Variants in HECTD2 observed in about 807,000 individuals in gnomAD.
HECTD2 encodes the protein HECT domain E3 ubiquitin protein ligase 2.
Under a neutral mutation model 103.2 loss-of-function variants are expected in HECTD2, and 35 were observed. That is an observed-to-expected ratio of 0.34 (90% CI 0.26 to 0.45). The LOEUF is 0.45. Among genes scored for constraint, HECTD2 ranks in the 20% least tolerant of loss-of-function variants. HECTD2 has a pLI of 1.00. For missense variants in HECTD2, 596 were observed against 937.4 expected, an observed-to-expected ratio of 0.64 and a Z score of 4.76; for synonymous variants, 281 against 329.9, an observed-to-expected ratio of 0.85 and a Z score of 1.61.
chr10:91,465,104 C>T (rs954215587), intron 5 of HECTD2, among the ~76,000 whole-genome samples: 1 of 152,062 alleles, frequency 6.6e-6, no homozygotes, highest in Non-Finnish European at 1.5e-5. Flanking sequence ...TTTTTTTCCC[C>T]CCTCAGGGGT....
chr10:91,492,347 A>T lies in HECTD2; in HGVS notation c.1300-5A>T. ...TCTCCTCTACTGTATAATATCTTCA[A>T]ATAGCTAACCCGGAAAAGAGCCGAT... On this transcript the variant is annotated splice_region_variant and splice_polypyrimidine_tract_variant and intron_variant, in intron 12 of 20. Coordinates refer to ENST00000298068, the MANE Select transcript of HECTD2 (RefSeq NM_182765.6). The T allele has an allele frequency of 4.3e-6, 7 of 1,611,416 alleles. No homozygotes were observed. Among genetic ancestry groups the T allele is most frequent in the Non-Finnish European group, 5.9e-6 (7 of 1,177,790 alleles).
rs755406925 is a variant in HECTD2, at chr10:91,500,466, C to T, written c.1951-36C>T. 27 of 996,642 alleles carry T rather than the reference C, an allele frequency of 2.7e-5. No individual in the cohort carries two copies. The Admixed American group carries it at 4.6e-4, about 17-fold the overall frequency. 61.7% of individuals were successfully genotyped at this position (996,642 alleles called of 1,614,324 possible). ...TCCAGTTTCACTTAAAACCATCACT[C>T]TTTAATTATTGTTTTTGATAAATAA... On this transcript the variant is annotated intron_variant, in intron 18 of 20. Transcript: ENST00000298068.
chr10:91,475,897 A>G (rs1845882210), intron 5 of HECTD2, among the ~76,000 whole-genome samples: 1 of 152,178 alleles, frequency 6.6e-6, no homozygotes, highest in Non-Finnish European at 1.5e-5. Flanking sequence ...ACCCATGACA[A>G]CCATCCCATG....
chr10:91,438,199 A>G (rs1003817651), intron 2 of HECTD2, among the ~76,000 whole-genome samples: 1 of 152,018 alleles, frequency 6.6e-6, no homozygotes, highest in Non-Finnish European at 1.5e-5. Context: ...CGTCATCTAC[A>G]TTAAGTATTT....
chr10:91,491,986 C>CTAA (rs1393594354), intron 12 of HECTD2, among the ~76,000 whole-genome samples: 1 of 152,062 alleles, frequency 6.6e-6, no homozygotes, highest in Admixed American at 6.6e-5. Flanking sequence ...TTGGGATTAC[C>CTAA]AGCTCATGCT....
intron 2 of HECTD2, among the ~76,000 whole-genome samples, chr10:91,437,581 A>G (rs1844172969): frequency 6.7e-6 from 1 of 149,590 alleles, no homozygotes; most frequent in African/African-American, 2.5e-5. Context: ...CATAATGTAG[A>G]TCCAGAAAAA....
chr10:91,487,552 T>C lies in HECTD2; in HGVS notation c.1095-130T>C, dbSNP rs1846309416. ...AAAAGAAATTATACACATACAATCA[T>C]TTTGTATATGGTAAAACACAATCCA... is the stretch of plus-strand genomic sequence containing the variant. On this transcript the variant is annotated intron_variant, in intron 10 of 20. Transcript: ENST00000298068. This position sits in a 1 kb window ranked among gnomAD's most constrained non-coding sequence, Gnocchi z 4.1. The C allele has an allele frequency of 8.3e-6, 6 of 722,954 alleles. No individual in the cohort carries two copies. The East Asian group carries it at 1.6e-4, about 19-fold the overall frequency. 44.8% of individuals were successfully genotyped at this position (722,954 alleles called of 1,614,324 possible). A position where few individuals can be genotyped will look rare whatever the true frequency, so the allele number is the denominator to read the frequency against.
intron 2 of HECTD2, among the ~76,000 whole-genome samples, chr10:91,430,565 G>T (rs1843812227): frequency 6.6e-6 from 1 of 152,162 alleles, no homozygotes; most frequent in African/African-American, 2.4e-5. Flanking sequence ...GGGTGCTCCT[G>T]TGTTGGGTGC....
In HECTD2 at chr10:91,512,252, T is replaced by G; in HGVS notation, c.2211-12T>G. 1 of 1,606,496 alleles carries G rather than the reference T, an allele frequency of 6.2e-7. No individual in the cohort carries two copies. The highest frequency in any genetic ancestry group is 8.5e-7 in the Non-Finnish European group (1 of 1,177,344). On this transcript the variant is annotated splice_polypyrimidine_tract_variant and intron_variant, in intron 20 of 20. Transcript: ENST00000298068. ...TCAAGACTTAGTATTTTTTTTTAAT[T>G]TTTTTCCCTAGCTTACCTGTGGCCC...
intron 16 of HECTD2, 74 bp downstream of exon 16, chr10:91,498,256 C>G: frequency 3.0e-6 from 3 of 992,870 alleles, no homozygotes; most frequent in Non-Finnish European, 4.8e-6. Context: ...TTATTAAATA[C>G]CCACTGTTAG....
At chr10:91,427,000 C>A (rs1429147433) in intron 2 of HECTD2, among the ~76,000 whole-genome samples, 1 of 99,186 alleles carries the variant, frequency 1.0e-5, no homozygotes, top group Non-Finnish European at 1.9e-5. Flanking sequence ...TCCCTCCCCC[C>A]TCCCCCCACC....
At chr10:91,459,710 T>C (rs1210706925) in intron 2 of HECTD2, among the ~76,000 whole-genome samples, 1 of 152,134 alleles carries the variant, frequency 6.6e-6, no homozygotes, top group Non-Finnish European at 1.5e-5. Context: ...TATACAGTCA[T>C]GACATTTCAG....
At chr10:91,443,796 A>G (rs1161774019) in intron 2 of HECTD2, among the ~76,000 whole-genome samples, 1 of 152,232 alleles carries the variant, frequency 6.6e-6, no homozygotes, top group East Asian at 1.9e-4. Context: ...AAATGAGAGA[A>G]CAATGGTGCT....
chr10:91,478,834 T>G (rs1167690537), intron 6 of HECTD2, among the ~76,000 whole-genome samples: 1 of 151,884 alleles, frequency 6.6e-6, no homozygotes, highest in Non-Finnish European at 1.5e-5. Flanking sequence ...AAATAATAAC[T>G]TCCATTAAAG....
chr10:91,512,252 T>A lies in HECTD2; in HGVS notation c.2211-12T>A, dbSNP rs1589561449. The A allele has an allele frequency of 1.9e-6, 3 of 1,606,496 alleles. No homozygotes were observed. In the Admixed American group the frequency reaches 5.2e-5, roughly 28 times the overall value. On this transcript the variant is annotated splice_polypyrimidine_tract_variant and intron_variant, in intron 20 of 20. Coordinates refer to ENST00000298068, the MANE Select transcript of HECTD2 (RefSeq NM_182765.6). Reference sequence around the variant, plus strand: ...TCAAGACTTAGTATTTTTTTTTAATTTTTTTCCCTAGCTTACCTGTGGCCC... The same window carrying A: ...TCAAGACTTAGTATTTTTTTTTAATATTTTTCCCTAGCTTACCTGTGGCCC...
Position 91,511,404 on chromosome 10 carries a change from G to A in HECTD2, c.2211-860G>A, listed in dbSNP as rs552230633. On this transcript the variant is annotated intron_variant, in intron 20 of 20. Transcript: ENST00000298068. ...AAATTACTTTTTAATACTAAAAACC[G>A]GAATAATAGTATCATTCATTATATT... is the stretch of plus-strand genomic sequence containing the variant. Among the ~76,000 whole-genome samples the A allele has an allele frequency of 5.3e-4, 81 of 152,128 alleles. 1 individual carries two copies. Among genetic ancestry groups the A allele is most frequent in the South Asian group, 3.1e-3 (15 of 4,826 alleles).
At chr10:91,483,213 C>G (rs1846155862) in intron 8 of HECTD2, 137 bp downstream of exon 8, 2 of 437,570 alleles carry the variant, frequency 4.6e-6, no homozygotes, top group South Asian at 8.6e-5. Flanking sequence ...CTTCAAAAGC[C>G]AGTTACAAAA....
chr10:91,495,031 T>G (rs897576693), intron 14 of HECTD2, among the ~76,000 whole-genome samples: 5 of 152,038 alleles, frequency 3.3e-5, no homozygotes, highest in African/African-American at 9.7e-5. Flanking sequence ...TGTTTAGATA[T>G]TCTATATTTC....
At chr10:91,467,189 C>T (rs548497631) in intron 5 of HECTD2, among the ~76,000 whole-genome samples, 6 of 152,252 alleles carry the variant, frequency 3.9e-5, no homozygotes, top group South Asian at 4.1e-4. Context: ...GCTCTTGCCA[C>T]GGGCCTCCGG....
Sources: gnomAD v4.1 joint callset for allele counts (sites outside exome capture counted in the v4.1 genomes callset) on GRCh38, gnomAD v4.1.1 for gene constraint, Gnocchi (gnomAD v3.1) non-coding constraint, MANE v1.5 for transcripts, NCBI Gene and HGNC (gene_info 2026-07-23, HGNC 2026-07-21) for gene names.